The following GDAP2 variants were observed in gnomAD, a reference collection of about 807,000 sequenced individuals.
The protein encoded by GDAP2 is ganglioside induced differentiation associated protein 2.
GDAP2 carries 51 observed loss-of-function variants against 67.0 expected under a neutral mutation model. That is an observed-to-expected ratio of 0.76 (90% CI 0.61 to 0.96). The LOEUF is 0.96. Ranked by LOEUF, GDAP2 falls within the 40% of genes least tolerant of loss-of-function variation. The pLI is 0.00. For synonymous variants in GDAP2, 203 were observed against 207.3 expected (o/e 0.98, Z 0.18); for missense variants, 547 against 588.3 (o/e 0.93, Z 0.73).
At chr1:117,888,775 A>T (rs968192247) in intron 8 of GDAP2, among the ~76,000 whole-genome samples, 1 of 152,098 alleles carries the variant, frequency 6.6e-6, no homozygotes, top group African/African-American at 2.4e-5. Flanking sequence ...TTCGGTGCAA[A>T]CTTACTAAAG....
At chr1:117,899,647 TCTTAA>T (rs954199484) in intron 6 of GDAP2, among the ~76,000 whole-genome samples, 22 of 152,180 alleles carry the variant, frequency 1.4e-4, no homozygotes, top group Non-Finnish European at 2.9e-4. Flanking sequence ...GTTTATTCTT[TCTTAA>T]AAGTTTTTTT....
intron 6 of GDAP2, among the ~76,000 whole-genome samples, chr1:117,902,458 T>C (rs1001874574): frequency 6.6e-6 from 1 of 152,224 alleles, no homozygotes; most frequent in African/African-American, 2.4e-5. Flanking sequence ...GGTCCTAGAT[T>C]CCTTTTGAGC....
rs748284202 is a variant in GDAP2, at chr1:117,918,691, G to T, written c.222C>A (p.Thr74=). The T allele has an allele frequency of 1.9e-6, 3 of 1,594,244 alleles. No individual in the cohort carries two copies. In the Admixed American group the frequency reaches 5.0e-5, roughly 27 times the overall value. ...TCTTATCTGTGAGACTTTCATTGCT[G>T]GTATTCACAATGGCTGTACAGTTCA... ...ALLNCTAIVN[T]SNESLTDKNP... Residue 74 remains threonine (T), a synonymous_variant, in exon 3 of 14, where the codon ACC becomes ACA. Coordinates refer to ENST00000369443, the MANE Select transcript of GDAP2 (RefSeq NM_017686.4).
intron 5 of GDAP2, 21 bp from the exon 6 acceptor site, chr1:117,906,603 A>T: frequency 1.6e-6 from 2 of 1,244,594 alleles, no homozygotes; most frequent in South Asian, 1.3e-5. Flanking sequence ...GAATAGAAAG[A>T]TTACTCAATA....
chr1:117,886,790 T>C (rs1648871498), intron 9 of GDAP2, 137 bp from the exon 10 acceptor site: 1 of 579,858 alleles, frequency 1.7e-6, no homozygotes, highest in Admixed American at 3.0e-5. Flanking sequence ...TCAAATTTCA[T>C]CTTCCAATTT....
At chr1:117,875,414 G>A (rs1464651104) in intron 13 of GDAP2, among the ~76,000 whole-genome samples, 3 of 152,234 alleles carry the variant, frequency 2.0e-5, no homozygotes. Context: ...GAGTGGTGGA[G>A]GCTTGGCAGC....
chr1:117,873,283 T>C (rs984655939), intron 13 of GDAP2, among the ~76,000 whole-genome samples: 2 of 152,302 alleles, frequency 1.3e-5, no homozygotes, highest in African/African-American at 2.4e-5. Flanking sequence ...CTCAGTATCA[T>C]TGTTACCTAG....
At chr1:117,905,860 T>C (rs150043128) in intron 6 of GDAP2, among the ~76,000 whole-genome samples, 3 of 152,300 alleles carry the variant, frequency 2.0e-5, no homozygotes, top group Admixed American at 2.0e-4. Context: ...AGATAGCTAA[T>C]ACGAATGTAT....
At chr1:117,919,571 T>A (rs909456898) in intron 2 of GDAP2, among the ~76,000 whole-genome samples, 27 of 152,064 alleles carry the variant, frequency 1.8e-4, no homozygotes, top group Non-Finnish European at 2.6e-4. Context: ...GGGGAGTGAC[T>A]GCTAATGGGG....
chr1:117,880,609 C>T (rs1356439160), intron 12 of GDAP2, among the ~76,000 whole-genome samples: 1 of 152,150 alleles, frequency 6.6e-6, no homozygotes, highest in Non-Finnish European at 1.5e-5. Flanking sequence ...GAGAAAGACA[C>T]TAACTGTTGA....
At chr1:117,928,988 C>T (rs1350491061) in intron 1 of GDAP2, among the ~76,000 whole-genome samples, 17 of 152,176 alleles carry the variant, frequency 1.1e-4, no homozygotes. Flanking sequence ...CAAAGCCAGG[C>T]CAGTGTCACT....
At position 117,920,374 on chromosome 1, in the gene GDAP2, T is replaced by C. The variant is rs767483794; in HGVS notation, c.-17A>G. ...GGGATCCATGGAATGGGAACTTTGATTTGTCTTTTCCCAAAATCCTCAGCA... is the reference window on the plus strand; with the variant it reads ...GGGATCCATGGAATGGGAACTTTGACTTGTCTTTTCCCAAAATCCTCAGCA... On this transcript the variant is annotated 5_prime_UTR_variant, in exon 2 of 14. Coordinates refer to ENST00000369443, the MANE Select transcript of GDAP2 (RefSeq NM_017686.4). 68 of 1,564,974 alleles carry C rather than the reference T, an allele frequency of 4.3e-5. No homozygotes were observed. The highest frequency in any genetic ancestry group is 5.9e-5 in the Non-Finnish European group (68 of 1,152,826).
At chr1:117,877,789 C>G in intron 13 of GDAP2, 1 of 1,249,724 alleles carries the variant, frequency 8.0e-7, no homozygotes, top group Non-Finnish European at 1.0e-6. Flanking sequence ...AGAGAGATCT[C>G]CCACTGAAAC....
chr1:117,896,255 C>T (rs1286916764), intron 8 of GDAP2, among the ~76,000 whole-genome samples: 2 of 152,072 alleles, frequency 1.3e-5, no homozygotes, highest in African/African-American at 2.4e-5. Flanking sequence ...TTTCTTTAGA[C>T]TTTTTTGAAA....
chr1:117,909,378 A>G (rs555279628), intron 5 of GDAP2, among the ~76,000 whole-genome samples: 1 of 152,310 alleles, frequency 6.6e-6, no homozygotes, highest in East Asian at 1.9e-4. Flanking sequence ...CAAACTGCAC[A>G]TGAACTAAGA....
At chr1:117,903,219 A>C (rs1390916038) in intron 6 of GDAP2, among the ~76,000 whole-genome samples, 1 of 152,160 alleles carries the variant, frequency 6.6e-6, no homozygotes, top group Non-Finnish European at 1.5e-5. Flanking sequence ...GCCGTCTGCA[A>C]ATAAAGATAC....
chr1:117,925,572 T>C (rs1175557245), intron 1 of GDAP2, among the ~76,000 whole-genome samples: 2 of 152,206 alleles, frequency 1.3e-5, no homozygotes, highest in Non-Finnish European at 2.9e-5. Flanking sequence ...ACTGGTACAA[T>C]TTTGAATCCA....
At chr1:117,907,065 C>T (rs191261867) in intron 5 of GDAP2, among the ~76,000 whole-genome samples, 1 of 152,300 alleles carries the variant, frequency 6.6e-6, no homozygotes, top group African/African-American at 2.4e-5. Context: ...CCCAGTCCTT[C>T]AGACCCTGAC....
rs1433240665 is a variant in GDAP2, at chr1:117,868,792, A to T, written c.*1777T>A. The T allele has an allele frequency of 1.3e-5, 2 of 152,202 alleles. No individual in the cohort carries two copies. Among genetic ancestry groups the T allele is most frequent in the African/African-American group, 4.8e-5 (2 of 41,470 alleles). The allele number at this position is 152,202 out of a possible 1,614,324, so 9.4% of individuals were successfully genotyped here. A position where few individuals can be genotyped will look rare whatever the true frequency, so the allele number is the denominator to read the frequency against. ...GAGAAAGCTTAACATCCGACATCTG[A>T]CTGGCTGCCTGGATGTGATGACCTA... On this transcript the variant is annotated 3_prime_UTR_variant, in exon 14 of 14. Coordinates refer to ENST00000369443, the MANE Select transcript of GDAP2 (RefSeq NM_017686.4).
Sources: gnomAD v4.1 joint callset for allele counts (sites outside exome capture counted in the v4.1 genomes callset) on GRCh38, gnomAD v4.1.1 for gene constraint, MANE v1.5 for transcripts, NCBI Gene and HGNC (gene_info 2026-07-23, HGNC 2026-07-21) for gene names.